Variants in ARSG observed in about 807,000 individuals in gnomAD.
The protein encoded by ARSG is ASG.
Under a neutral mutation model 50.5 loss-of-function variants are expected in ARSG, and 37 were observed. The ratio of observed to expected loss-of-function variants is 0.73; its 90% confidence interval spans 0.56 to 0.96. The LOEUF is 0.96. Among genes scored for constraint, ARSG ranks in the 50% least tolerant of loss-of-function variants. ARSG has a pLI of 0.00. For missense variants in ARSG, 629 were observed against 675.3 expected (o/e 0.93, Z 0.76); for synonymous variants, 225 against 254.6 (o/e 0.88, Z 1.11).
chr17:68,319,746 G>A (rs1480807926), intron 2 of ARSG, among the ~76,000 whole-genome samples: 4 of 152,186 alleles, frequency 2.6e-5, no homozygotes, highest in Non-Finnish European at 5.9e-5. Context: ...ATGGCCTGAT[G>A]GCAAATAAAG....
chr17:68,346,978 G>A, intron 3 of ARSG, 147 bp from the exon 4 acceptor site: 2 of 1,538,276 alleles, frequency 1.3e-6, no homozygotes, highest in Non-Finnish European at 1.8e-6. Flanking sequence ...AGCAAAGCCT[G>A]GCTTGTACAC....
chr17:68,393,033 G>A (rs2081069926), intron 9 of ARSG, among the ~76,000 whole-genome samples: 2 of 152,122 alleles, frequency 1.3e-5, no homozygotes, highest in Admixed American at 1.3e-4. Context: ...GGGCTCACAG[G>A]GATTACCCTT....
At chr17:68,272,883 C>T in intron 1 of ARSG, 2 of 1,238,120 alleles carry the variant, frequency 1.6e-6, no homozygotes, top group Non-Finnish European at 2.3e-6. Context: ...GTTCTAGGAG[C>T]CAAGTAATTC....
At chr17:68,351,497 T>C in intron 4 of ARSG, 78 bp from the exon 5 acceptor site, 2 of 776,580 alleles carry the variant, frequency 2.6e-6, no homozygotes, top group Non-Finnish European at 4.7e-6. Flanking sequence ...GGAAATTACA[T>C]TTTTGTCGTG....
chr17:68,260,392 A>G (rs1431649845), intron 1 of ARSG, among the ~76,000 whole-genome samples: 2 of 152,188 alleles, frequency 1.3e-5, no homozygotes, highest in Non-Finnish European at 2.9e-5. Context: ...TTAAACTGTC[A>G]ATTTCTTTTC....
chr17:68,358,506 C>G (rs1257291454), intron 6 of ARSG, among the ~76,000 whole-genome samples: 1 of 151,718 alleles, frequency 6.6e-6, no homozygotes, highest in Non-Finnish European at 1.5e-5. Context: ...CTGACCAACA[C>G]GGTGAAACCC....
Position 68,370,406 on chromosome 17 carries a change from C to T in ARSG, c.902-38C>T, listed in dbSNP as rs754920044. 2.7e-5 allele frequency: 43 copies of T among 1,605,666 alleles called. No individual in the cohort carries two copies. The East Asian group carries it at 7.8e-4, about 29-fold the overall frequency. On this transcript the variant is annotated intron_variant, in intron 7 of 11. Coordinates refer to ENST00000621439, the MANE Select transcript of ARSG (RefSeq NM_001267727.2). ...TGGGAGGGTCAGCGAAAGTGTCCAA[C>T]CAGCCTGGTGACCATTAATGCTTTT...
intron 1 of ARSG, among the ~76,000 whole-genome samples, chr17:68,263,348 CAA>C (rs2075103341): frequency 1.3e-5 from 2 of 152,238 alleles, no homozygotes. Context: ...AATATAAACA[CAA>C]ATCTGAAAAC....
At chr17:68,282,577 T>C (rs1224879068) in intron 1 of ARSG, among the ~76,000 whole-genome samples, 1 of 151,142 alleles carries the variant, frequency 6.6e-6, no homozygotes, top group Non-Finnish European at 1.5e-5. Flanking sequence ...GGCTGGAGGA[T>C]TGCTTGAGCC....
intron 8 of ARSG, among the ~76,000 whole-genome samples, chr17:68,383,068 C>G (rs1046352458): frequency 5.3e-5 from 8 of 152,156 alleles, no homozygotes; most frequent in African/African-American, 1.7e-4. Flanking sequence ...TCCTCCAAAC[C>G]CCTCCAGCTT....
the ARSG span, among the ~76,000 whole-genome samples, chr17:68,448,896 G>T: frequency 6.6e-6 from 1 of 152,128 alleles, no homozygotes; most frequent in Non-Finnish European, 1.5e-5. Flanking sequence ...TGCCAAGAAT[G>T]CAGGTTTCTT....
intron 1 of ARSG, among the ~76,000 whole-genome samples, chr17:68,295,671 ATT>A (rs56840354): frequency 6.5e-4 from 74 of 114,532 alleles, no homozygotes; most frequent in Middle Eastern, 4.6e-3. Flanking sequence ...TCTAAGACAA[ATT>A]TTTTTTTTTT....
intron 2 of ARSG, among the ~76,000 whole-genome samples, chr17:68,322,809 T>C (rs1461364037): frequency 6.6e-6 from 1 of 152,048 alleles, no homozygotes; most frequent in Non-Finnish European, 1.5e-5. Flanking sequence ...CTGTAACAAA[T>C]ACAACAGACT....
At position 68,347,170 on chromosome 17, in the gene ARSG, G is replaced by A. The variant is rs577190950; in HGVS notation, c.452G>A (p.Arg151His). 20 of 1,613,772 alleles carry A rather than the reference G, an allele frequency of 1.2e-5. No individual in the cohort carries two copies. The Admixed American group carries it at 2.2e-4, about 17-fold the overall frequency. Residue 151 changes from arginine to histidine, a missense_variant and splice_region_variant, in exon 4 of 12, where the codon CGT (arginine) becomes CAT (histidine). Physicochemically the swap from Arg to His is conservative, Grantham distance 29. Coordinates refer to ENST00000621439, the MANE Select transcript of ARSG (RefSeq NM_001267727.2). ...CACGGCTCTTATCACCCCAACTTCC[G>A]TGGTAAGAATTCTTTTGGGGATTTG... The part of the protein sequence containing the change: ...GHHGSYHPNF[R>H]GFDYYFGIPY...
upstream of ARSG, among the ~76,000 whole-genome samples, chr17:68,287,884 A>C (rs1260024096): frequency 6.6e-6 from 1 of 152,046 alleles, no homozygotes; most frequent in East Asian, 1.9e-4. Flanking sequence ...GCTTGGTTGC[A>C]GAATAAAACC....
chr17:68,359,345 C>T lies in ARSG; in HGVS notation c.704+2541C>T, dbSNP rs571246976. Reference sequence around the variant, plus strand: ...ATTGTGCACACTTATTTGGAATGCACACCCATAGACTGTGGGGTGCAAGTG... The same window carrying T: ...ATTGTGCACACTTATTTGGAATGCATACCCATAGACTGTGGGGTGCAAGTG... On this transcript the variant is annotated intron_variant, in intron 6 of 11. Coordinates refer to ENST00000621439, the MANE Select transcript of ARSG (RefSeq NM_001267727.2). 2.0e-5 allele frequency: 3 copies of T among 152,344 alleles called. No homozygotes were observed. In the East Asian group the frequency reaches 5.8e-4, roughly 29 times the overall value. 9.4% of individuals were successfully genotyped at this position (152,344 alleles called of 1,614,324 possible).
At chr17:68,429,520 T>C in the ARSG span, among the ~76,000 whole-genome samples, 1 of 152,210 alleles carries the variant, frequency 6.6e-6, no homozygotes, top group Admixed American at 6.5e-5. Flanking sequence ...GGCTGCCCCC[T>C]GAGAATCCGT....
chr17:68,346,739 G>A, intron 3 of ARSG: 3 of 1,273,658 alleles, frequency 2.4e-6, no homozygotes, highest in Non-Finnish European at 2.0e-6. Context: ...GTGGGGCGGT[G>A]CACCTGCACC....
chr17:68,421,458 T>C, downstream of ARSG: 1 of 356,970 alleles, frequency 2.8e-6, no homozygotes, highest in Non-Finnish European at 5.3e-6. Flanking sequence ...TTACACGGCA[T>C]ATATTTAAAA....
Sources: gnomAD v4.1 joint callset for allele counts (sites outside exome capture counted in the v4.1 genomes callset) on GRCh38, gnomAD v4.1.1 for gene constraint, MANE v1.5 for transcripts, NCBI Gene and HGNC (gene_info 2026-07-23, HGNC 2026-07-21) for gene names.